The following MAPT variants were observed in gnomAD, a reference collection of about 807,000 sequenced individuals.
The protein encoded by MAPT is microtubule-associated protein tau.
A neutral mutation model predicts 67.9 loss-of-function variants in MAPT; 34 were observed. That is an observed-to-expected ratio of 0.50 (90% confidence interval 0.38 to 0.67). The LOEUF (loss-of-function observed/expected upper bound fraction) is 0.67, where lower values mean the gene tolerates loss of function less well. Ranked by LOEUF, MAPT falls within the 30% of genes least tolerant of loss-of-function variation. The pLI, the probability that MAPT is intolerant of heterozygous loss-of-function variation, is 0.00. For missense variants in MAPT, 881 were observed against 1,115.2 expected, an observed-to-expected ratio of 0.79 and a Z score of 2.99; for synonymous variants, 456 against 464.5, an observed-to-expected ratio of 0.98 and a Z score of 0.23.
Position 45,996,555 on chromosome 17 carries a change from C to A in MAPT, c.1889C>A (p.Ser630Tyr). The change falls in exon 9 of 13, where the codon TCC becomes TAC. Residue 630 changes from serine to tyrosine, a missense_variant. Around this residue, in one of 6 missense-constraint regions of MAPT, gnomAD observed 45 missense variants for 43.2 expected, o/e 1.04. Coordinates refer to ENST00000262410, the MANE Select transcript of MAPT (RefSeq NM_001377265.1). The surrounding 1 kb of genome is among the most constrained non-coding windows in gnomAD (Gnocchi z 4.5). ...VVRTPPKSPS[S>Y]AKSRLQTAPV... is the part of the protein sequence containing the mutation. ...CGTACTCCACCCAAGTCGCCGTCTTCCGCCAAGAGCCGCCTGCAGACAGCC... is the reference window on the plus strand; with the variant it reads ...CGTACTCCACCCAAGTCGCCGTCTTACGCCAAGAGCCGCCTGCAGACAGCC... 1 of 1,612,822 alleles carries A rather than the reference C, an allele frequency of 6.2e-7. No homozygotes were observed. The highest frequency in any genetic ancestry group is 8.5e-7 in the Non-Finnish European group (1 of 1,179,424).
In MAPT at chr17:45,983,938, T is replaced by C; in HGVS notation, c.1351+8T>C. 1 of 1,541,628 alleles carries C rather than the reference T, an allele frequency of 6.5e-7. No homozygotes were observed. The highest frequency in any genetic ancestry group is 1.3e-5 in the South Asian group (1 of 78,686). ...GGGTCCCTCAACTCAAAGGTCTGTG[T>C]CTTGAGCTTCTTCGCTCCTTCCCTG... is the stretch of plus-strand genomic sequence containing the variant. On this transcript the variant is annotated splice_region_variant and intron_variant, in intron 5 of 12. Transcript: ENST00000262410.
chr17:45,989,874 T>G lies in MAPT; in HGVS notation c.1408-4T>G. 1 of 1,613,636 alleles carries G rather than the reference T, an allele frequency of 6.2e-7. No homozygotes were observed. Among genetic ancestry groups the G allele is most frequent in the South Asian group, 1.1e-5 (1 of 91,070 alleles). Reference sequence around the variant, plus strand: ...TTTTGATTTTATTTATGTTTATGTTTAAGACATCCACACGTTCCTCTGCTA... The same window carrying G: ...TTTTGATTTTATTTATGTTTATGTTGAAGACATCCACACGTTCCTCTGCTA... On this transcript the variant is annotated splice_region_variant and splice_polypyrimidine_tract_variant and intron_variant, in intron 6 of 12. Coordinates refer to ENST00000262410, the MANE Select transcript of MAPT (RefSeq NM_001377265.1).
chr17:45,970,601 A>C (rs2071565074), intron 2 of MAPT, among the ~76,000 whole-genome samples: 7 of 152,220 alleles, frequency 4.6e-5, no homozygotes, highest in Admixed American at 4.6e-4. Context: ...ACCAACATTC[A>C]CTCATGGGAT....
In MAPT at chr17:45,996,823, G is replaced by A. The variant is rs2074523331; in HGVS notation, c.1998+159G>A. On this transcript the variant is annotated intron_variant, in intron 9 of 12. Coordinates refer to ENST00000262410, the MANE Select transcript of MAPT (RefSeq NM_001377265.1). This position sits in a 1 kb window ranked among gnomAD's most constrained non-coding sequence, Gnocchi z 4.5. ...GGGCTCCCCGCACCTGAGCACCCCC[G>A]CATAACACCCCAGTCCCCTCTGGAC... Among the ~76,000 whole-genome samples the A allele has an allele frequency of 1.3e-5, 2 of 152,260 alleles. No homozygotes were observed. The highest frequency in any genetic ancestry group is 2.1e-4 in the South Asian group (1 of 4,826).
chr17:45,997,482 G>C (rs2074585725), intron 9 of MAPT, among the ~76,000 whole-genome samples: 1 of 152,202 alleles, frequency 6.6e-6, no homozygotes, highest in Admixed American at 6.5e-5. Flanking sequence ...CATGGCAGCT[G>C]GGCGTAGTGG....
chr17:45,921,465 G>A (rs943132265), intron 1 of MAPT, among the ~76,000 whole-genome samples: 4 of 152,154 alleles, frequency 2.6e-5, no homozygotes, highest in African/African-American at 9.7e-5. Flanking sequence ...GATCAGGACA[G>A]CATCCCCTGG....
chr17:45,910,436 G>A (rs1487490162), intron 1 of MAPT, among the ~76,000 whole-genome samples: 1 of 152,024 alleles, frequency 6.6e-6, no homozygotes, highest in Non-Finnish European at 1.5e-5. Flanking sequence ...TGCTTCTTAT[G>A]CCTGGGCTTC....
chr17:45,949,693 T>C (rs1010522784), intron 1 of MAPT, among the ~76,000 whole-genome samples: 11 of 152,136 alleles, frequency 7.2e-5, no homozygotes, highest in African/African-American at 2.4e-4. Context: ...AAACATGTTA[T>C]TAATAATCCA....
Position 46,028,276 on chromosome 17 carries a change from T to C in MAPT, c.*4105T>C, listed in dbSNP as rs2076906597. ...GTGTATTGTGTGTTTTAACAAATGA[T>C]TTACACTGACTGTTGCTGTAAAAGT... On this transcript the variant is annotated 3_prime_UTR_variant, in exon 13 of 13. Coordinates refer to ENST00000262410, the MANE Select transcript of MAPT (RefSeq NM_001377265.1). The C allele has an allele frequency of 6.6e-6, 1 of 152,638 alleles. No individual in the cohort carries two copies. The highest frequency in any genetic ancestry group is 1.5e-5 in the Non-Finnish European group (1 of 68,034). The allele number at this position is 152,638 out of a possible 1,614,324, so 9.5% of individuals were successfully genotyped here.
chr17:45,992,472 AGG>A (rs2074137530), intron 8 of MAPT, among the ~76,000 whole-genome samples: 1 of 152,224 alleles, frequency 6.6e-6, no homozygotes, highest in Non-Finnish European at 1.5e-5. Flanking sequence ...GCAAAACCTG[AGG>A]GTCTTAGCTG....
intron 1 of MAPT, among the ~76,000 whole-genome samples, chr17:45,923,862 G>A (rs62058968): frequency 0.14 from 21,832 of 152,220 alleles, 2,139 homozygotes; most frequent in Middle Eastern, 0.22. Flanking sequence ...TGGGCAAGTC[G>A]CTCAACCTCT....
chr17:45,943,655 T>C (rs1303923552), intron 1 of MAPT, among the ~76,000 whole-genome samples: 1 of 152,166 alleles, frequency 6.6e-6, no homozygotes, highest in Non-Finnish European at 1.5e-5. Flanking sequence ...TTCTGTGGCC[T>C]TTCAAACTCC....
intron 10 of MAPT, among the ~76,000 whole-genome samples, chr17:46,013,405 ACT>A (rs2075956523): frequency 2.6e-5 from 4 of 152,338 alleles, no homozygotes; most frequent in South Asian, 2.1e-4. Flanking sequence ...TGGTTCTTTG[ACT>A]GAGATCAGCT....
At chr17:45,933,840 ATTTTTT>A (rs35907411) in intron 1 of MAPT, among the ~76,000 whole-genome samples, 2 of 137,808 alleles carry the variant, frequency 1.5e-5, no homozygotes, top group African/African-American at 5.5e-5. Flanking sequence ...ATGTTTTCTG[ATTTTTT>A]TTTTTTTTTT....
chr17:45,939,010 C>T (rs2067620957), intron 1 of MAPT, among the ~76,000 whole-genome samples: 1 of 152,036 alleles, frequency 6.6e-6, no homozygotes, highest in African/African-American at 2.4e-5. Flanking sequence ...GATGGGGTTT[C>T]ACCATGTTGG....
At chr17:45,899,709 C>T (rs1050272277) in intron 1 of MAPT, among the ~76,000 whole-genome samples, 3 of 152,174 alleles carry the variant, frequency 2.0e-5, no homozygotes, top group East Asian at 1.9e-4. Flanking sequence ...AGTCTGTAAT[C>T]GGAGCATGAC....
At chr17:46,014,024 G>A (rs544974878) in intron 10 of MAPT, among the ~76,000 whole-genome samples, 2 of 152,264 alleles carry the variant, frequency 1.3e-5, no homozygotes, top group East Asian at 3.9e-4. Flanking sequence ...GCTCCCCTGG[G>A]GCAGGGTTGG....
chr17:45,965,556 C>T (rs2070977800), intron 2 of MAPT, among the ~76,000 whole-genome samples: 1 of 151,852 alleles, frequency 6.6e-6, no homozygotes, highest in African/African-American at 2.4e-5. Context: ...GCTAGGATTA[C>T]AGGCGCCTAC....
At chr17:45,940,721 C>T (rs1010913163) in intron 1 of MAPT, among the ~76,000 whole-genome samples, 6 of 152,078 alleles carry the variant, frequency 3.9e-5, no homozygotes, top group African/African-American at 1.2e-4. Context: ...GACCCATTTG[C>T]CAAAGTCTCA....
Sources: gnomAD v4.1 joint callset for allele counts (sites outside exome capture counted in the v4.1 genomes callset) on GRCh38, gnomAD v4.1.1 for gene constraint, gnomAD v4.1.1 regional missense constraint, Gnocchi (gnomAD v3.1) non-coding constraint, MANE v1.5 for transcripts, NCBI Gene and HGNC (gene_info 2026-07-23, HGNC 2026-07-21) for gene names.